NCOA6: variants seen among roughly 807,000 people sequenced by gnomAD.
NCOA6 encodes the protein NRC RAP250.
NCOA6 carries 49 observed loss-of-function variants against 171.4 expected under a neutral mutation model. The observed-to-expected ratio is 0.29, with a 90% CI of 0.23 to 0.36. The LOEUF is 0.36. NCOA6 is among the 10% of genes least tolerant of loss of function. The pLI is 1.00. For synonymous variants in NCOA6, 910 were observed against 927.5 expected (o/e 0.98, Z 0.34); for missense variants, 2,248 against 2,554.5 (o/e 0.88, Z 2.59).
At chr20:34,795,517 A>C (rs2078034237) in intron 1 of NCOA6, among the ~76,000 whole-genome samples, 1 of 152,238 alleles carries the variant, frequency 6.6e-6, no homozygotes, top group African/African-American at 2.4e-5. Context: ...GAAAAATCAC[A>C]AGAAAACGTA....
intron 4 of NCOA6, among the ~76,000 whole-genome samples, chr20:34,771,954 T>TG (rs2077163581): frequency 6.6e-6 from 1 of 152,224 alleles, no homozygotes; most frequent in African/African-American, 2.4e-5. Flanking sequence ...TATACAGGGT[T>TG]AATTACAAGT....
At chr20:34,809,074 A>G (rs1315491189) in intron 1 of NCOA6, among the ~76,000 whole-genome samples, 1 of 152,226 alleles carries the variant, frequency 6.6e-6, no homozygotes, top group African/African-American at 2.4e-5. Flanking sequence ...AGAAGGCCAA[A>G]TAAATGCTTA....
At chr20:34,811,136 G>A (rs1473629270) in intron 1 of NCOA6, among the ~76,000 whole-genome samples, 2 of 139,548 alleles carry the variant, frequency 1.4e-5, no homozygotes, top group Non-Finnish European at 1.5e-5. Context: ...GGACTAAACA[G>A]AATCTCAGGT....
intron 14 of NCOA6, among the ~76,000 whole-genome samples, chr20:34,724,773 A>G (rs967932978): frequency 6.6e-6 from 1 of 152,030 alleles, no homozygotes; most frequent in Non-Finnish European, 1.5e-5. Context: ...TCGTCTTTCA[A>G]TGTGGTAAAG....
chr20:34,750,482 C>G lies in NCOA6; in HGVS notation c.1713G>C (p.Gln571His). ...TCATATTTGGCGGCCCGTGGGACAC[C>G]TGCATCTGGTTTTGAGGAGGACCAG... Reference protein sequence around the residue: ...QGAGPPQNQMQVSHGPPNMMQ... With the variant: ...QGAGPPQNQMHVSHGPPNMMQ... Residue 571 changes from glutamine (Q) to histidine (H), a missense_variant, in exon 9 of 15, where the codon CAG becomes CAC. This residue lies in a region of NCOA6 where 987 missense variants were observed against 1,104.7 expected (regional missense o/e 0.89). Coordinates refer to ENST00000359003, the MANE Select transcript of NCOA6 (RefSeq NM_014071.5). 6.2e-7 allele frequency: 1 copy of G among 1,612,162 alleles called. No homozygotes were observed. Among genetic ancestry groups the G allele is most frequent in the South Asian group, 1.1e-5 (1 of 90,918 alleles).
At position 34,717,732 on chromosome 20, in the gene NCOA6, A is replaced by G. The variant is rs950916884; in HGVS notation, c.6149-2367T>C. ...TCTCACACAGCCCACATAACTCCCTAAAATCAACTCTTCAGGTCCAAATCT... is the reference window on the plus strand; with the variant it reads ...TCTCACACAGCCCACATAACTCCCTGAAATCAACTCTTCAGGTCCAAATCT... On this transcript the variant is annotated intron_variant, in intron 14 of 14. Coordinates refer to ENST00000359003, the MANE Select transcript of NCOA6 (RefSeq NM_014071.5). Among the ~76,000 whole-genome samples the G allele has an allele frequency of 2.0e-5, 3 of 152,216 alleles. No individual in the cohort carries two copies. The East Asian group carries it at 5.8e-4, about 29-fold the overall frequency.
At chr20:34,777,644 G>A (rs746770673) in intron 3 of NCOA6, among the ~76,000 whole-genome samples, 4 of 151,646 alleles carry the variant, frequency 2.6e-5, no homozygotes, top group South Asian at 2.1e-4. Context: ...GAACCCTTGC[G>A]CACTGTCAGT....
At chr20:34,802,250 T>G (rs2078279239) in intron 1 of NCOA6, among the ~76,000 whole-genome samples, 1 of 152,182 alleles carries the variant, frequency 6.6e-6, no homozygotes. Context: ...GCAGATCACC[T>G]GAGTTCAGGA....
chr20:34,790,731 C>G (rs1481964677), intron 2 of NCOA6, among the ~76,000 whole-genome samples: 1 of 151,494 alleles, frequency 6.6e-6, no homozygotes, highest in Non-Finnish European at 1.5e-5. Context: ...CTCACTGCAA[C>G]CTCTGCCTCC....
chr20:34,727,669 G>A (rs905555936), intron 13 of NCOA6, among the ~76,000 whole-genome samples: 2 of 151,036 alleles, frequency 1.3e-5, no homozygotes, highest in Non-Finnish European at 3.0e-5. Flanking sequence ...ACTGGTAAAA[G>A]ACATAAAAAA....
rs1403222959 is a variant in NCOA6, at chr20:34,750,484, G to A, written c.1711C>T (p.Gln571Ter). Reference protein sequence around the residue: ...QGAGPPQNQMQVSHGPPNMMQ... With the variant: ...QGAGPPQNQM ...ATATTTGGCGGCCCGTGGGACACCTGCATCTGGTTTTGAGGAGGACCAGCT... is the reference window on the plus strand; with the variant it reads ...ATATTTGGCGGCCCGTGGGACACCTACATCTGGTTTTGAGGAGGACCAGCT... The change falls in exon 9 of 15, where the codon CAG becomes TAG. Residue 571 changes from glutamine (Q) to a stop codon, truncating the protein, a stop_gained. Coordinates refer to ENST00000359003, the MANE Select transcript of NCOA6 (RefSeq NM_014071.5). LOFTEE classifies it high-confidence loss of function. 1.2e-6 allele frequency: 2 copies of A among 1,611,454 alleles called. No homozygotes were observed. Among genetic ancestry groups the A allele is most frequent in the Non-Finnish European group, 1.7e-6 (2 of 1,178,506 alleles).
intron 14 of NCOA6, among the ~76,000 whole-genome samples, chr20:34,721,097 C>A (rs554124411): frequency 6.6e-6 from 1 of 152,000 alleles, no homozygotes; most frequent in Non-Finnish European, 1.5e-5. Context: ...AAATATTTGG[C>A]CTTTTGCCCA....
intron 1 of NCOA6, among the ~76,000 whole-genome samples, chr20:34,801,470 G>A (rs1251699293): frequency 6.6e-6 from 1 of 152,068 alleles, no homozygotes; most frequent in Non-Finnish European, 1.5e-5. Flanking sequence ...AAAAAAGAGA[G>A]AAGACCCAAA....
At chr20:34,792,367 AAG>A (rs1194190142) in intron 2 of NCOA6, 81 bp downstream of exon 2, 1 of 390,380 alleles carries the variant, frequency 2.6e-6, no homozygotes, top group African/African-American at 2.1e-5. Flanking sequence ...GTTTTTCCAA[AAG>A]AGAGACAGTA....
In NCOA6 at chr20:34,750,266, G is replaced by T. The variant is rs151200511; in HGVS notation, c.1929C>A (p.Asn643Lys). The T allele has an allele frequency of 3.1e-6, 5 of 1,611,528 alleles. No homozygotes were observed. Among genetic ancestry groups the T allele is most frequent in the Non-Finnish European group, 2.5e-6 (3 of 1,178,448 alleles). Residue 643 changes from asparagine (N) to lysine (K), a missense_variant, in exon 9 of 15, where the codon AAC (asparagine) becomes AAA (lysine). By Grantham distance (94) the Asn-to-Lys change is moderately conservative. This residue lies in a region of NCOA6 where 987 missense variants were observed against 1,104.7 expected (regional missense o/e 0.89). Transcript: ENST00000359003. ...TTGAAAGGATCATAGGGTTCTGAGGGTTCAAGGTTCCTTGTTGCTGGACCA... is the reference window on the plus strand; with the variant it reads ...TTGAAAGGATCATAGGGTTCTGAGGTTTCAAGGTTCCTTGTTGCTGGACCA... Reference protein sequence around the residue: ...GQMVQQQGTLNPQNPMILSRA... With the variant: ...GQMVQQQGTLKPQNPMILSRA...
chr20:34,727,994 G>A (rs1371414908), intron 13 of NCOA6, among the ~76,000 whole-genome samples: 1 of 151,498 alleles, frequency 6.6e-6, no homozygotes, highest in Non-Finnish European at 1.5e-5. Context: ...CAAAGTGCTG[G>A]GATTACAGGC....
Position 34,768,448 on chromosome 20 carries a change from G to C in NCOA6, c.514+16C>G, listed in dbSNP as rs539759522. 2 of 1,612,794 alleles carry C rather than the reference G, an allele frequency of 1.2e-6. No individual in the cohort carries two copies. Among genetic ancestry groups the C allele is most frequent in the East Asian group, 2.2e-5 (1 of 44,856 alleles). ...GAAACTAGTAAAATGTCATACAATT[G>C]AGTGGGAGGTCTTACCTGGACCACT... On this transcript the variant is annotated intron_variant, in intron 5 of 14. Coordinates refer to ENST00000359003, the MANE Select transcript of NCOA6 (RefSeq NM_014071.5).
intron 1 of NCOA6, among the ~76,000 whole-genome samples, chr20:34,808,455 T>TC (rs1568886842): frequency 6.7e-6 from 1 of 150,168 alleles, no homozygotes. Flanking sequence ...TTTTTTTTTT[T>TC]GAGTCGGAGT....
intron 5 of NCOA6, among the ~76,000 whole-genome samples, chr20:34,759,867 C>T (rs1023236176): frequency 6.6e-6 from 1 of 152,120 alleles, no homozygotes; most frequent in African/African-American, 2.4e-5. Context: ...TGGTAAACTG[C>T]TCTCAAAAGT....
Sources: allele counts gnomAD v4.1 joint callset (sites outside exome capture counted in the v4.1 genomes callset), GRCh38; gene constraint gnomAD v4.1.1; regional missense constraint gnomAD v4.1.1; transcripts MANE v1.5; gene names NCBI Gene and HGNC (gene_info 2026-07-23, HGNC 2026-07-21).